Variants in UNC5D observed in about 807,000 individuals in gnomAD.
UNC5D encodes the protein netrin receptor UNC5D.
UNC5D carries 39 observed loss-of-function variants against 105.4 expected under a neutral mutation model. The ratio of observed to expected loss-of-function variants is 0.37; its 90% CI spans 0.29 to 0.48. The LOEUF (loss-of-function observed/expected upper bound fraction) is 0.48. UNC5D is among the 20% of genes least tolerant of loss of function. The pLI, the probability that UNC5D is intolerant of heterozygous loss-of-function variation, is 0.98. For synonymous variants in UNC5D, 452 were observed against 450.4 expected (o/e 1.00, Z -0.04); for missense variants, 991 against 1,202.4 (o/e 0.82, Z 2.60).
At chr8:35,496,587 T>A (rs1285382101) in intron 1 of UNC5D, among the ~76,000 whole-genome samples, 1 of 151,376 alleles carries the variant, frequency 6.6e-6, no homozygotes, top group African/African-American at 2.4e-5. Context: ...AGGAAGGGAG[T>A]CACGCGTCAC....
intron 1 of UNC5D, among the ~76,000 whole-genome samples, chr8:35,515,427 G>A (rs1425888146): frequency 6.6e-6 from 1 of 152,214 alleles, no homozygotes; most frequent in Non-Finnish European, 1.5e-5. Flanking sequence ...GCTCACGCCT[G>A]TAATCCCAGC....
intron 1 of UNC5D, among the ~76,000 whole-genome samples, chr8:35,404,851 A>G (rs559586599): frequency 6.6e-6 from 1 of 152,182 alleles, no homozygotes; most frequent in East Asian, 1.9e-4. Context: ...CGGCCTCCCA[A>G]AGTGCTGGGA....
rs372548709 is a variant in UNC5D at position 35,598,378 on chromosome 8, GA to G, written c.570+2724del. 2.5e-3 allele frequency among the ~76,000 whole-genome samples: 378 copies of G among 152,226 alleles called. 3 individuals are homozygous for G. The highest frequency in any genetic ancestry group is 8.9e-3 in the African/African-American group (368 of 41,538). The stretch of plus-strand genomic sequence containing the variant: ...GCAGTGCTGCTCAAGGCTATTTTCA[GA>G]AAGGTGAAAGATTTTTCACAAGTGT... On this transcript the variant is annotated intron_variant, in intron 4 of 16. Transcript: ENST00000404895.
At position 35,679,600 on chromosome 8, in the gene UNC5D, G is replaced by C. The variant is rs1032954490; in HGVS notation, c.571-3947G>C. ...CCATAAGGATTTTGTTAGCCTAGAG[G>C]TTTCATTCTAAGTAAGATTCAAAGC... On this transcript the variant is annotated intron_variant, in intron 4 of 16. Transcript: ENST00000404895. Among the ~76,000 whole-genome samples the C allele has an allele frequency of 2.6e-5, 4 of 152,150 alleles. No individual in the cohort carries two copies. The East Asian group carries it at 7.7e-4, about 29-fold the overall frequency.
chr8:35,435,547 T>C (rs1369117933), intron 1 of UNC5D, among the ~76,000 whole-genome samples: 1 of 152,130 alleles, frequency 6.6e-6, no homozygotes, highest in Non-Finnish European at 1.5e-5. Flanking sequence ...ATAATCCAAT[T>C]GACTACATCA....
intron 1 of UNC5D, among the ~76,000 whole-genome samples, chr8:35,312,342 C>A (rs1340164532): frequency 1.3e-5 from 2 of 152,132 alleles, no homozygotes; most frequent in Non-Finnish European, 2.9e-5. Context: ...CTACTGTAGG[C>A]AAGTCAAACA....
chr8:35,295,055 T>C (rs1807378609), intron 1 of UNC5D, among the ~76,000 whole-genome samples: 1 of 152,178 alleles, frequency 6.6e-6, no homozygotes, highest in Non-Finnish European at 1.5e-5. Flanking sequence ...TTGCAACACT[T>C]GAGCTCACTA....
intron 2 of UNC5D, among the ~76,000 whole-genome samples, chr8:35,549,933 A>G (rs533720734): frequency 1.5e-3 from 206 of 136,562 alleles, no homozygotes; most frequent in Non-Finnish European, 2.4e-3. Context: ...TATTCTCCAC[A>G]TTTGGTGGTT....
intron 4 of UNC5D, among the ~76,000 whole-genome samples, chr8:35,659,322 G>A (rs1823975404): frequency 6.6e-6 from 1 of 152,152 alleles, no homozygotes; most frequent in Non-Finnish European, 1.5e-5. Flanking sequence ...AATATAGAAA[G>A]TAAAGTGACC....
At chr8:35,432,493 T>A (rs574129334) in intron 1 of UNC5D, among the ~76,000 whole-genome samples, 1 of 152,162 alleles carries the variant, frequency 6.6e-6, no homozygotes, top group Admixed American at 6.6e-5. Context: ...TTCACTCTTA[T>A]CAATAAACTT....
intron 4 of UNC5D, among the ~76,000 whole-genome samples, chr8:35,640,729 A>C (rs1822655218): frequency 6.6e-6 from 1 of 152,118 alleles, no homozygotes; most frequent in Admixed American, 6.6e-5. Context: ...CACAGTTGTA[A>C]TTTTAAGTGT....
chr8:35,283,633 A>C (rs2128852984), intron 1 of UNC5D, among the ~76,000 whole-genome samples: 1 of 151,898 alleles, frequency 6.6e-6, no homozygotes, highest in African/African-American at 2.4e-5. Context: ...GTCTCTCCTA[A>C]AAATACTAAA....
chr8:35,686,819 AGCT>A (rs1826038991), intron 7 of UNC5D, 110 bp downstream of exon 7: 1 of 1,381,906 alleles, frequency 7.2e-7, no homozygotes, highest in African/African-American at 1.5e-5. Context: ...CAGAAAGCCA[AGCT>A]GCTAAGGGCA....
intron 3 of UNC5D, among the ~76,000 whole-genome samples, chr8:35,583,626 G>T (rs1818592843): frequency 6.6e-6 from 1 of 152,088 alleles, no homozygotes; most frequent in Non-Finnish European, 1.5e-5. Flanking sequence ...CAGATATTTT[G>T]TCCCTATAGC....
intron 8 of UNC5D, among the ~76,000 whole-genome samples, chr8:35,706,427 T>C (rs1219038142): frequency 6.6e-6 from 1 of 152,110 alleles, no homozygotes; most frequent in South Asian, 2.1e-4. Flanking sequence ...GATTGGGGTG[T>C]TGGTACTGGC....
chr8:35,308,382 G>A (rs892219325), intron 1 of UNC5D, among the ~76,000 whole-genome samples: 4 of 152,008 alleles, frequency 2.6e-5, no homozygotes, highest in Admixed American at 6.6e-5. Flanking sequence ...GATATGAACA[G>A]GTTTCATGAC....
chr8:35,590,418 T>C (rs1819090499), intron 3 of UNC5D, among the ~76,000 whole-genome samples: 1 of 152,168 alleles, frequency 6.6e-6, no homozygotes, highest in Non-Finnish European at 1.5e-5. Context: ...TATTTTGGTA[T>C]AAAGACATTA....
Position 35,525,122 on chromosome 8 carries a change from C to T in UNC5D, c.104-24170C>T, listed in dbSNP as rs1416797821. 3.8e-6 allele frequency: 6 copies of T among 1,595,374 alleles called. No individual in the cohort carries two copies. The African/African-American group carries it at 5.5e-5, about 15-fold the overall frequency. On this transcript the variant is annotated intron_variant, in intron 1 of 16. Coordinates refer to ENST00000404895, the MANE Select transcript of UNC5D (RefSeq NM_080872.4). ...TCCCCCGGCCTGCCTCCGCTGAAGC[C>T]ACCACCAGCGCCTCCTTGGCTGGAT...
chr8:35,525,484 C>T (rs976551720), intron 1 of UNC5D: 4 of 1,612,226 alleles, frequency 2.5e-6, no homozygotes, highest in African/African-American at 2.7e-5. Flanking sequence ...TCCTCCTTCT[C>T]TGTCCGTGCT....
Sources: allele counts gnomAD v4.1 joint callset (sites outside exome capture counted in the v4.1 genomes callset), GRCh38; gene constraint gnomAD v4.1.1; transcripts MANE v1.5; gene names NCBI Gene and HGNC (gene_info 2026-07-23, HGNC 2026-07-21).